Variants in NTRK2 observed in about 807,000 individuals in gnomAD.
The protein encoded by NTRK2 is BDNF/NT-3 growth factors receptor.
In NTRK2, 13 loss-of-function variants were observed where a neutral mutation model predicts 94.5. The observed-to-expected ratio is 0.14, with a 90% confidence interval of 0.09 to 0.22. The LOEUF (loss-of-function observed/expected upper bound fraction) is 0.22, where lower values mean the gene tolerates loss of function less well. Ranked by LOEUF, NTRK2 falls within the 10% of genes least tolerant of loss-of-function variation. NTRK2 has a pLI of 1.00. For missense variants in NTRK2, 639 were observed against 1,071.2 expected, an observed-to-expected ratio of 0.60 and a Z score of 5.63; for synonymous variants, 372 against 407.4, an observed-to-expected ratio of 0.91 and a Z score of 1.05.
At chr9:84,845,778 T>G (rs1361286244) in intron 12 of NTRK2, among the ~76,000 whole-genome samples, 1 of 151,948 alleles carries the variant, frequency 6.6e-6, no homozygotes, top group African/African-American at 2.4e-5. Context: ...GGGGTGTCAA[T>G]TGAGAAGTGG....
intron 14 of NTRK2, among the ~76,000 whole-genome samples, chr9:84,904,798 T>C (rs1033087954): frequency 6.6e-6 from 1 of 152,202 alleles, no homozygotes; most frequent in African/African-American, 2.4e-5. Context: ...AATCTCTGGC[T>C]TTGAAATGAA....
rs563911555 is a variant in NTRK2, at chr9:84,704,147, G to A, written c.359+1728G>A. 2.0e-5 allele frequency among the ~76,000 whole-genome samples: 3 copies of A among 150,164 alleles called. No individual in the cohort carries two copies. In the East Asian group the frequency reaches 5.9e-4, roughly 29 times the overall value. Reference sequence around the variant, plus strand: ...CTTTACTTTGTATATTTTCATTATTGCATGCTATTTCTATGAATATGAAAG... The same window carrying A: ...CTTTACTTTGTATATTTTCATTATTACATGCTATTTCTATGAATATGAAAG... On this transcript the variant is annotated intron_variant, in intron 4 of 18. Coordinates refer to ENST00000277120, the MANE Select transcript of NTRK2 (RefSeq NM_006180.6).
intron 18 of NTRK2, 27 bp downstream of exon 18, chr9:85,020,391 T>C (rs201025947): frequency 5.3e-5 from 86 of 1,612,858 alleles, no homozygotes; most frequent in Admixed American, 1.3e-4. Context: ...GCCAAGACCC[T>C]CCAGAGGGCT....
At chr9:84,883,275 C>T (rs990278960) in intron 14 of NTRK2, among the ~76,000 whole-genome samples, 12 of 152,124 alleles carry the variant, frequency 7.9e-5, no homozygotes, top group African/African-American at 2.7e-4. Flanking sequence ...GGTAAGGTGA[C>T]GTGAGGTGGC....
chr9:84,697,741 TTCC>T (rs2060473873), intron 2 of NTRK2, among the ~76,000 whole-genome samples: 2 of 152,184 alleles, frequency 1.3e-5, no homozygotes. Context: ...GGTCTTCTGT[TTCC>T]ATGCGGAGGC....
At chr9:84,948,761 C>T (rs2078681652) in intron 16 of NTRK2, 127 bp downstream of exon 16, 1 of 725,982 alleles carries the variant, frequency 1.4e-6, no homozygotes, top group Non-Finnish European at 2.3e-6. Flanking sequence ...ATAATGACAC[C>T]AGCATATGCC....
chr9:84,814,805 G>A lies in NTRK2; in HGVS notation c.1397-46235G>A, dbSNP rs200817578. The stretch of plus-strand genomic sequence containing the variant: ...CAGGGTTGGTGCATCCAGCCACATG[G>A]GCAGGGCCAGTCACATCTAGTCTAT... On this transcript the variant is annotated intron_variant, in intron 12 of 18. Coordinates refer to ENST00000277120, the MANE Select transcript of NTRK2 (RefSeq NM_006180.6). 7 of 1,064,230 alleles carry A rather than the reference G, an allele frequency of 6.6e-6. No individual in the cohort carries two copies. The South Asian group carries it at 2.7e-4, about 42-fold the overall frequency. 65.9% of individuals were successfully genotyped at this position (1,064,230 alleles called of 1,614,324 possible).
rs1239779612 is a variant in NTRK2 at position 84,710,725 on chromosome 9, G to T, written c.517G>T (p.Asp173Tyr). The T allele has an allele frequency of 6.2e-7, 1 of 1,614,012 alleles. No individual in the cohort carries two copies. Among genetic ancestry groups the T allele is most frequent in the Admixed American group, 1.7e-5 (1 of 60,000 alleles). ...QEAKSSPDTQ[D>Y]LYCLNESSKN... ...GGCTAAATCCAGTCCAGACACTCAG[G>T]ATTTGTACTGCCTGAATGAAAGCAG... The change falls in exon 6 of 19, where the codon GAT becomes TAT. Residue 173 changes from aspartate to tyrosine, a missense_variant. Transcript: ENST00000277120.
intron 2 of NTRK2, among the ~76,000 whole-genome samples, chr9:84,675,191 C>T (rs1564023467): frequency 6.6e-6 from 1 of 152,104 alleles, no homozygotes; most frequent in Non-Finnish European, 1.5e-5. Flanking sequence ...GTTGAGGTCT[C>T]TTTCTCCCTA....
intron 17 of NTRK2, among the ~76,000 whole-genome samples, chr9:84,960,886 T>C (rs1295238819): frequency 2.6e-5 from 4 of 152,180 alleles, no homozygotes; most frequent in Non-Finnish European, 4.4e-5. Flanking sequence ...TATGAGGTGG[T>C]CAGTACATGA....
At chr9:84,870,345 A>ATATATATATATT (rs2132098495) in intron 14 of NTRK2, among the ~76,000 whole-genome samples, 2 of 115,556 alleles carry the variant, frequency 1.7e-5, no homozygotes, top group South Asian at 6.5e-4. Flanking sequence ...ATATATATAT[A>ATATATATATATT]TATATATATA....
At chr9:84,722,968 C>A (rs771826597) in intron 6 of NTRK2, among the ~76,000 whole-genome samples, 1 of 152,154 alleles carries the variant, frequency 6.6e-6, no homozygotes, top group Non-Finnish European at 1.5e-5. Flanking sequence ...ATTTATATAA[C>A]TTTGAAACTT....
At chr9:84,833,632 CAGGA>C (rs1258770722) in intron 12 of NTRK2, among the ~76,000 whole-genome samples, 1 of 149,256 alleles carries the variant, frequency 6.7e-6, no homozygotes, top group Admixed American at 6.7e-5. Flanking sequence ...GAAAGAAAGG[CAGGA>C]AGGAAGGAGG....
At chr9:85,015,907 T>G (rs1832171379) in intron 17 of NTRK2, among the ~76,000 whole-genome samples, 1 of 151,922 alleles carries the variant, frequency 6.6e-6, no homozygotes, top group African/African-American at 2.4e-5. Context: ...AAAAGCAGAG[T>G]GGTCCATCCT....
At chr9:84,888,588 G>A (rs1274684699) in intron 14 of NTRK2, among the ~76,000 whole-genome samples, 1 of 118,410 alleles carries the variant, frequency 8.4e-6, no homozygotes, top group Non-Finnish European at 1.6e-5. Flanking sequence ...ACTCCAGCCT[G>A]GCGACAGAGC....
intron 14 of NTRK2, among the ~76,000 whole-genome samples, chr9:84,908,418 G>T (rs2077139787): frequency 6.6e-6 from 1 of 151,932 alleles, no homozygotes; most frequent in Non-Finnish European, 1.5e-5. Flanking sequence ...CACAAAGAAA[G>T]AAAAAACGAA....
intron 14 of NTRK2, among the ~76,000 whole-genome samples, chr9:84,870,403 C>G (rs2075819533): frequency 7.2e-6 from 1 of 138,624 alleles, no homozygotes; most frequent in African/African-American, 2.6e-5. Context: ...ATGGCACAAT[C>G]ATAGCTCACT....
chr9:84,788,460 TG>T (rs980408706), intron 12 of NTRK2, among the ~76,000 whole-genome samples: 10 of 152,192 alleles, frequency 6.6e-5, no homozygotes, highest in Admixed American at 2.6e-4. Context: ...TGACATGTTG[TG>T]TCATCAATGT....
At chr9:84,877,614 C>A (rs200925902) in intron 14 of NTRK2, 1 of 1,065,472 alleles carries the variant, frequency 9.4e-7, no homozygotes. Flanking sequence ...TGTTGGGCTG[C>A]GGTAGGATAG....
Sources: allele counts gnomAD v4.1 joint callset (sites outside exome capture counted in the v4.1 genomes callset), GRCh38; gene constraint gnomAD v4.1.1; transcripts MANE v1.5; gene names NCBI Gene and HGNC (gene_info 2026-07-23, HGNC 2026-07-21).